Variants in KANSL1L observed in about 807,000 individuals in gnomAD.
KANSL1L encodes KAT8 regulatory NSL complex subunit 1 like, also known as KAT8 regulatory NSL complex subunit 1-like protein.
KANSL1L carries 25 observed loss-of-function variants against 108.6 expected under a neutral mutation model. The observed-to-expected ratio is 0.23, with a 90% CI of 0.17 to 0.32. The LOEUF is 0.32. Ranked by LOEUF, KANSL1L falls within the 10% of genes least tolerant of loss-of-function variation. The probability of loss-of-function intolerance (pLI) is 1.00; values close to 1 mark genes in which losing one functional copy is unlikely to be tolerated. For synonymous variants in KANSL1L, 405 were observed against 395.1 expected, an observed-to-expected ratio of 1.03 and a Z score of -0.30; for missense variants, 1,137 against 1,125.7, an observed-to-expected ratio of 1.01 and a Z score of -0.14.
chr2:210,098,110 C>A lies in KANSL1L; in HGVS notation c.1526G>T (p.Cys509Phe), dbSNP rs781505253. Residue 509 changes from cysteine (C) to phenylalanine (F), a missense_variant, in exon 5 of 15, where the codon TGT becomes TTT. Transcript: ENST00000281772. ...CCTCCTGTAAATGCCATTAGCCAGA[C>A]ATTTATGGCTACAGGATTTGGAAGA... ...PLSSKSCSHK[C>F]LANGIYRSAS... The A allele has an allele frequency of 6.2e-7, 1 of 1,609,488 alleles. No individual in the cohort carries two copies. Among genetic ancestry groups the A allele is most frequent in the Non-Finnish European group, 8.5e-7 (1 of 1,177,680 alleles).
chr2:210,094,448 T>C (rs1363528611), intron 5 of KANSL1L, among the ~76,000 whole-genome samples: 16 of 152,014 alleles, frequency 1.1e-4, no homozygotes, highest in Admixed American at 1.0e-3. Flanking sequence ...TATACAACTA[T>C]GTGAAGGAAA....
intron 2 of KANSL1L, among the ~76,000 whole-genome samples, chr2:210,138,649 A>C (rs1015701705): frequency 6.6e-6 from 1 of 152,204 alleles, no homozygotes; most frequent in Non-Finnish European, 1.5e-5. Flanking sequence ...TTTATGGTGT[A>C]CATATTTATA....
intron 2 of KANSL1L, among the ~76,000 whole-genome samples, chr2:210,139,060 C>T (rs1277471752): frequency 6.6e-6 from 1 of 152,140 alleles, no homozygotes; most frequent in Admixed American, 6.6e-5. Context: ...GATCGCACCA[C>T]TGCACTCCAG....
At chr2:210,136,802 A>G (rs2125573717) in intron 2 of KANSL1L, among the ~76,000 whole-genome samples, 1 of 152,350 alleles carries the variant, frequency 6.6e-6, no homozygotes, top group South Asian at 2.1e-4. Flanking sequence ...ATAAAAATTA[A>G]AACTACCTTT....
chr2:210,059,149 A>AG (rs2094392673), intron 6 of KANSL1L, among the ~76,000 whole-genome samples: 1 of 152,042 alleles, frequency 6.6e-6, no homozygotes, highest in South Asian at 2.1e-4. Context: ...AAAAAAAAAA[A>AG]AAAAAAAGAT....
chr2:210,040,058 A>G (rs934931553), intron 8 of KANSL1L, among the ~76,000 whole-genome samples: 1 of 151,846 alleles, frequency 6.6e-6, no homozygotes, highest in Admixed American at 6.6e-5. Flanking sequence ...CTTTAGAATT[A>G]TTTTAAGTTA....
rs2095192441 is a variant in KANSL1L at position 210,138,228 on chromosome 2, T to C, written c.1089-9056A>G. On this transcript the variant is annotated intron_variant, in intron 2 of 14. Coordinates refer to ENST00000281772, the MANE Select transcript of KANSL1L (RefSeq NM_152519.4). ...CTAATCACAGAAACAGAAAACCAAA[T>C]ACTGCATGTTCTCACTTATAAGTGG... is the stretch of plus-strand genomic sequence containing the variant. 3.9e-5 allele frequency among the ~76,000 whole-genome samples: 6 copies of C among 151,990 alleles called. No individual in the cohort carries two copies. The South Asian group carries it at 1.2e-3, about 32-fold the overall frequency.
At chr2:210,164,855 G>A (rs1324288630) in intron 1 of KANSL1L, among the ~76,000 whole-genome samples, 2 of 135,104 alleles carry the variant, frequency 1.5e-5, no homozygotes, top group Non-Finnish European at 3.2e-5. Flanking sequence ...TATTTTTTCT[G>A]TTTTTTTTTT....
intron 8 of KANSL1L, among the ~76,000 whole-genome samples, chr2:210,033,626 T>C (rs1027776319): frequency 6.6e-6 from 1 of 150,750 alleles, no homozygotes; most frequent in African/African-American, 2.4e-5. Flanking sequence ...GCCTCCCGGG[T>C]TCACGCCATT....
rs1372350267 is a variant in KANSL1L, at chr2:210,171,149, C to T, written c.-30G>A. The T allele has an allele frequency of 6.5e-6, 1 of 154,348 alleles. No individual in the cohort carries two copies. Among genetic ancestry groups the T allele is most frequent in the Non-Finnish European group, 1.4e-5 (1 of 69,184 alleles). The allele number at this position is 154,348 out of a possible 1,614,324, so 9.6% of individuals were successfully genotyped here. A position where few individuals can be genotyped will look rare whatever the true frequency, so the allele number is the denominator to read the frequency against. ...CGCCGCTGAGACGCCGGCCACTCGC[C>T]TGCTGGGGCGCCCTGGCTCCCCTCC... is the stretch of plus-strand genomic sequence containing the variant. On this transcript the variant is annotated splice_region_variant and 5_prime_UTR_variant, in exon 1 of 15. Transcript: ENST00000281772.
At chr2:210,104,397 T>C in intron 3 of KANSL1L, 96 bp from the exon 4 acceptor site, 1 of 818,380 alleles carries the variant, frequency 1.2e-6, no homozygotes, top group Non-Finnish European at 1.9e-6. Context: ...CTTCCACTTA[T>C]CTCTTGGAAT....
chr2:210,153,985 T>C lies in KANSL1L; in HGVS notation c.598A>G (p.Ile200Val). 1 of 1,613,780 alleles carries C rather than the reference T, an allele frequency of 6.2e-7. No individual in the cohort carries two copies. Residue 200 changes from isoleucine to valine, a missense_variant, in exon 2 of 15, where the codon ATT becomes GTT. Transcript: ENST00000281772. ...KGLLHCTQKK[I>V]VPGHSNVPVS... ...GGCACATTTGAGTGGCCAGGTACAA[T>C]TTTCTTTTGAGTACAGTGCAATAAA...
At chr2:210,165,487 TA>T (rs762737150) in intron 1 of KANSL1L, among the ~76,000 whole-genome samples, 8 of 152,120 alleles carry the variant, frequency 5.3e-5, no homozygotes, top group Non-Finnish European at 1.0e-4. Context: ...AAATTTGTTA[TA>T]AATAAAATTA....
chr2:210,143,880 CCATT>C (rs1472593419), intron 2 of KANSL1L, among the ~76,000 whole-genome samples: 1 of 152,106 alleles, frequency 6.6e-6, no homozygotes, highest in Non-Finnish European at 1.5e-5. Context: ...TTATACACCA[CCATT>C]ATTAGAGTAT....
intron 13 of KANSL1L, among the ~76,000 whole-genome samples, chr2:210,024,779 C>G (rs1301338987): frequency 6.6e-6 from 1 of 151,798 alleles, no homozygotes; most frequent in African/African-American, 2.4e-5. Context: ...AACTCCAGTC[C>G]CCAGTGTGAG....
chr2:210,056,506 A>T (rs1343359864), intron 6 of KANSL1L, among the ~76,000 whole-genome samples: 1 of 152,052 alleles, frequency 6.6e-6, no homozygotes, highest in African/African-American at 2.4e-5. Context: ...TTTGAGACAG[A>T]GTCTCGCTCT....
At chr2:210,140,000 C>T (rs2095213831) in intron 2 of KANSL1L, among the ~76,000 whole-genome samples, 1 of 152,138 alleles carries the variant, frequency 6.6e-6, no homozygotes, top group Admixed American at 6.6e-5. Flanking sequence ...GGCTACACCT[C>T]CTTGGCCACT....
intron 6 of KANSL1L, among the ~76,000 whole-genome samples, chr2:210,069,801 T>C (rs1163756221): frequency 1.4e-3 from 7 of 4,880 alleles, no homozygotes; most frequent in African/African-American, 5.4e-3. Context: ...TTTTTTTTTT[T>C]TTTTTTTTTT....
intron 9 of KANSL1L, 94 bp downstream of exon 9, chr2:210,031,327 C>A: frequency 4.9e-6 from 4 of 816,680 alleles, no homozygotes; most frequent in Non-Finnish European, 7.8e-6. Flanking sequence ...AGTGGCTGTT[C>A]TGGATTATAA....
Sources: gnomAD v4.1 joint callset for allele counts (sites outside exome capture counted in the v4.1 genomes callset) on GRCh38, gnomAD v4.1.1 for gene constraint, MANE v1.5 for transcripts, NCBI Gene and HGNC (gene_info 2026-07-23, HGNC 2026-07-21) for gene names.